ZNF827: variants seen among roughly 807,000 people sequenced by gnomAD.
The protein encoded by ZNF827 is zinc finger protein 827.
Under a neutral mutation model 102.4 loss-of-function variants are expected in ZNF827, and 13 were observed. The ratio of observed to expected loss-of-function variants is 0.13; its 90% confidence interval spans 0.08 to 0.20. The LOEUF (loss-of-function observed/expected upper bound fraction) is 0.20. ZNF827 is among the 10% of genes least tolerant of loss of function. The probability of loss-of-function intolerance (pLI) is 1.00; values close to 1 mark genes in which losing one functional copy is unlikely to be tolerated. For synonymous variants in ZNF827, 523 were observed against 536.2 expected (o/e 0.98, Z 0.34); for missense variants, 1,103 against 1,344.4 (o/e 0.82, Z 2.81).
intron 1 of ZNF827, among the ~76,000 whole-genome samples, chr4:145,931,364 C>A (rs1163257843): frequency 6.6e-6 from 1 of 152,180 alleles, no homozygotes; most frequent in Non-Finnish European, 1.5e-5. Context: ...ACAATCTATA[C>A]CTTTAAAATG....
At chr4:145,885,544 A>G (rs1750032783) in intron 4 of ZNF827, 134 bp downstream of exon 4, 2 of 1,305,336 alleles carry the variant, frequency 1.5e-6, no homozygotes, top group South Asian at 4.0e-5. Flanking sequence ...TCCAAATTTA[A>G]AGGGACCTTG....
intron 9 of ZNF827, among the ~76,000 whole-genome samples, chr4:145,778,265 C>G (rs1002484464): frequency 3.9e-5 from 6 of 152,072 alleles, no homozygotes; most frequent in Non-Finnish European, 5.9e-5. Context: ...TCCTGAGTAG[C>G]TGGGATTACA....
In ZNF827 at chr4:145,780,326, T is replaced by C. The variant is rs1161846488; in HGVS notation, c.2384-815A>G. ...TTAAGAAGAAAGCTTTGCTCTTCAT[T>C]CCAGTTTGTGCAAAATCCTTAATGA... On this transcript the variant is annotated intron_variant, in intron 8 of 14. Transcript: ENST00000508784. 2.0e-5 allele frequency among the ~76,000 whole-genome samples: 3 copies of C among 152,244 alleles called. No homozygotes were observed. The East Asian group carries it at 5.8e-4, about 29-fold the overall frequency.
At chr4:145,878,426 G>A (rs1749342209) in intron 4 of ZNF827, among the ~76,000 whole-genome samples, 1 of 152,020 alleles carries the variant, frequency 6.6e-6, no homozygotes, top group South Asian at 2.1e-4. Flanking sequence ...AAGGAGCTAG[G>A]GCTGAGCATG....
At chr4:145,843,721 G>C (rs768085153) in intron 7 of ZNF827, among the ~76,000 whole-genome samples, 2 of 152,196 alleles carry the variant, frequency 1.3e-5, no homozygotes, top group African/African-American at 2.4e-5. Flanking sequence ...CGGAGTTTGC[G>C]TAAGTGTTGC....
intron 8 of ZNF827, among the ~76,000 whole-genome samples, chr4:145,819,153 T>C (rs1988189384): frequency 6.6e-6 from 1 of 152,060 alleles, no homozygotes; most frequent in Admixed American, 6.6e-5. Flanking sequence ...AGGGAAGGGA[T>C]TGATGAATAT....
chr4:145,915,308 A>G (rs1752588696), intron 1 of ZNF827, among the ~76,000 whole-genome samples: 2 of 152,146 alleles, frequency 1.3e-5, no homozygotes, highest in African/African-American at 4.8e-5. Flanking sequence ...TTAGTTGGGC[A>G]TGATGGCACA....
intron 1 of ZNF827, among the ~76,000 whole-genome samples, chr4:145,929,979 C>G (rs1159632402): frequency 6.6e-6 from 1 of 152,204 alleles, no homozygotes; most frequent in Non-Finnish European, 1.5e-5. Flanking sequence ...GGGCTCTGAA[C>G]AGCCTGGCCC....
rs111467990 is a variant in ZNF827 at position 145,765,392 on chromosome 4, A to G, written c.3052+155T>C. Among the ~76,000 whole-genome samples, 1 of 152,188 alleles carries G rather than the reference A, an allele frequency of 6.6e-6. No individual in the cohort carries two copies. The highest frequency in any genetic ancestry group is 1.5e-5 in the Non-Finnish European group (1 of 68,032). On this transcript the variant is annotated intron_variant, in intron 12 of 14. Coordinates refer to ENST00000508784, the MANE Select transcript of ZNF827 (RefSeq NM_001306215.2). This position sits in a 1 kb window ranked among gnomAD's most constrained non-coding sequence, Gnocchi z 4.7. ...CCACCCCATACTCGGATTCAAATTA[A>G]GCCAAAAGAAATACAACCTTTAGGT...
At chr4:145,907,995 C>T (rs907353945) in intron 1 of ZNF827, among the ~76,000 whole-genome samples, 2 of 152,152 alleles carry the variant, frequency 1.3e-5, no homozygotes, top group Admixed American at 6.5e-5. Context: ...AGTTCTCAAG[C>T]AGCAACTCAG....
At chr4:145,859,848 A>G (rs190030004) in intron 5 of ZNF827, among the ~76,000 whole-genome samples, 1 of 152,274 alleles carries the variant, frequency 6.6e-6, no homozygotes, top group African/African-American at 2.4e-5. Context: ...TGTCTCCAGG[A>G]GAGCTGAACG....
intron 1 of ZNF827, among the ~76,000 whole-genome samples, chr4:145,924,410 A>G (rs751242112): frequency 6.6e-6 from 1 of 152,104 alleles, no homozygotes; most frequent in Non-Finnish European, 1.5e-5. Flanking sequence ...TTTTTTTAAG[A>G]GCACATATTA....
At chr4:145,921,833 C>G (rs1011351055) in intron 1 of ZNF827, among the ~76,000 whole-genome samples, 3 of 152,152 alleles carry the variant, frequency 2.0e-5, no homozygotes, top group Non-Finnish European at 4.4e-5. Flanking sequence ...TCATGCTGGA[C>G]CAAGGCACTC....
intron 3 of ZNF827, among the ~76,000 whole-genome samples, chr4:145,887,316 T>C (rs1253574703): frequency 6.6e-6 from 1 of 152,156 alleles, no homozygotes; most frequent in Non-Finnish European, 1.5e-5. Context: ...TCGGTAGGTT[T>C]CCTTTCCAAG....
intron 2 of ZNF827, among the ~76,000 whole-genome samples, chr4:145,893,609 T>G (rs1750769192): frequency 6.6e-6 from 1 of 152,190 alleles, no homozygotes; most frequent in Non-Finnish European, 1.5e-5. Flanking sequence ...GGTGAAATAT[T>G]AGCAGGGAAC....
intron 1 of ZNF827, among the ~76,000 whole-genome samples, chr4:145,917,248 T>A (rs539234995): frequency 3.3e-5 from 5 of 152,344 alleles, no homozygotes; most frequent in Admixed American, 3.3e-4. Context: ...TCTGTCTCAG[T>A]CCATTTTATG....
In ZNF827 at chr4:145,902,852, G is replaced by A. The variant is rs758249888; in HGVS notation, c.407C>T (p.Ala136Val). ...LLEAGSLKLDAAATANGRVES... is the reference protein window; with the variant it reads ...LLEAGSLKLDVAATANGRVES... ...CACTCTGCCATTAGCCGTGGCTGCA[G>A]CATCGAGTTTGAGGGAACCAGCCTC... The change falls in exon 2 of 15, where the codon GCT becomes GTT. Residue 136 changes from alanine (A) to valine (V), a missense_variant. Around this residue, in one of 5 missense-constraint regions of ZNF827, gnomAD observed 441 missense variants for 458.6 expected, o/e 0.96. Coordinates refer to ENST00000508784, the MANE Select transcript of ZNF827 (RefSeq NM_001306215.2). This position sits in a 1 kb window ranked among gnomAD's most constrained non-coding sequence, Gnocchi z 4.3. 7 of 1,614,048 alleles carry A rather than the reference G, an allele frequency of 4.3e-6. No individual in the cohort carries two copies. The highest frequency in any genetic ancestry group is 1.7e-5 in the Admixed American group (1 of 60,012).
intron 8 of ZNF827, among the ~76,000 whole-genome samples, chr4:145,807,170 CTGT>C (rs1741536114): frequency 6.6e-6 from 1 of 152,206 alleles, no homozygotes; most frequent in African/African-American, 2.4e-5. Context: ...TTCCTGACCA[CTGT>C]TGTTTACACA....
At chr4:145,837,436 T>A (rs573475069) in intron 7 of ZNF827, among the ~76,000 whole-genome samples, 1 of 152,068 alleles carries the variant, frequency 6.6e-6, no homozygotes, top group South Asian at 2.1e-4. Flanking sequence ...GGCCCCAGTC[T>A]CATTCCAGAC....
Sources: gnomAD v4.1 joint callset for allele counts (sites outside exome capture counted in the v4.1 genomes callset) on GRCh38, gnomAD v4.1.1 for gene constraint, gnomAD v4.1.1 regional missense constraint, Gnocchi (gnomAD v3.1) non-coding constraint, MANE v1.5 for transcripts, NCBI Gene and HGNC (gene_info 2026-07-23, HGNC 2026-07-21) for gene names.